The following LPP variants were observed in gnomAD, a reference collection of about 807,000 sequenced individuals.
LPP encodes the protein lipoma-preferred partner.
In LPP, 38 loss-of-function variants were observed where a neutral mutation model predicts 60.4. That is an observed-to-expected ratio of 0.63 (90% CI 0.49 to 0.83). The LOEUF (loss-of-function observed/expected upper bound fraction) is 0.83. Among genes scored for constraint, LPP ranks in the 40% least tolerant of loss-of-function variants. The pLI, the probability that LPP is intolerant of heterozygous loss-of-function variation, is 0.00. For synonymous variants in LPP, 328 were observed against 290.8 expected (o/e 1.13, Z -1.30); for missense variants, 902 against 783.6 (o/e 1.15, Z -1.80).
chr3:188,316,814 T>C (rs1361791396), intron 2 of LPP, among the ~76,000 whole-genome samples: 1 of 152,230 alleles, frequency 6.6e-6, no homozygotes, highest in African/African-American at 2.4e-5. Flanking sequence ...ATTAGAACTA[T>C]AATGTGGGAC....
intron 5 of LPP, among the ~76,000 whole-genome samples, chr3:188,513,992 T>C (rs940984568): frequency 3.3e-5 from 5 of 152,224 alleles, no homozygotes; most frequent in African/African-American, 1.2e-4. Flanking sequence ...TACCCTCATT[T>C]TTGTAGAGGT....
intron 1 of LPP, among the ~76,000 whole-genome samples, chr3:188,159,897 ATTTT>A (rs1417457256): frequency 1.4e-5 from 2 of 140,104 alleles, no homozygotes; most frequent in Non-Finnish European, 3.3e-5. Context: ...GAGACAGAGT[ATTTT>A]TTTGTTTGTT....
At chr3:188,154,390 C>T (rs1440593970) in intron 1 of LPP, among the ~76,000 whole-genome samples, 138 bp downstream of exon 1, 1 of 152,072 alleles carries the variant, frequency 6.6e-6, no homozygotes, top group Non-Finnish European at 1.5e-5. Flanking sequence ...GCCCGCTGTG[C>T]GGAAGTGCCG....
intron 6 of LPP, among the ~76,000 whole-genome samples, chr3:188,552,375 G>A (rs1579892580): frequency 6.6e-6 from 1 of 152,184 alleles, no homozygotes; most frequent in Non-Finnish European, 1.5e-5. Flanking sequence ...ATGCCATAAG[G>A]ACCATTAACT....
At chr3:188,599,615 G>C (rs1464529508) in intron 6 of LPP, among the ~76,000 whole-genome samples, 1 of 152,058 alleles carries the variant, frequency 6.6e-6, no homozygotes, top group African/African-American at 2.4e-5. Context: ...AACTATTTCT[G>C]GCTCTGAAGC....
chr3:188,523,539 G>C (rs926889624), intron 5 of LPP, among the ~76,000 whole-genome samples: 1 of 152,154 alleles, frequency 6.6e-6, no homozygotes, highest in Non-Finnish European at 1.5e-5. Flanking sequence ...TCACTAAAAC[G>C]ACAGATTGAC....
At chr3:188,471,607 A>C (rs995664045) in intron 4 of LPP, among the ~76,000 whole-genome samples, 3 of 152,208 alleles carry the variant, frequency 2.0e-5, no homozygotes, top group Non-Finnish European at 2.9e-5. Flanking sequence ...GGAGGTTAGC[A>C]GGTCTGTGGG....
At chr3:188,198,944 G>A (rs972187666) in intron 1 of LPP, among the ~76,000 whole-genome samples, 13 of 152,172 alleles carry the variant, frequency 8.5e-5, no homozygotes, top group Admixed American at 5.9e-4. Context: ...TACAACAATC[G>A]TTTAGTATGC....
At chr3:188,425,121 C>T (rs1427950624) in intron 4 of LPP, among the ~76,000 whole-genome samples, 1 of 152,154 alleles carries the variant, frequency 6.6e-6, no homozygotes, top group Non-Finnish European at 1.5e-5. Flanking sequence ...TATGTTCCAT[C>T]AATACCTAGT....
intron 2 of LPP, among the ~76,000 whole-genome samples, chr3:188,290,569 A>G (rs1745609923): frequency 6.6e-6 from 1 of 151,954 alleles, no homozygotes; most frequent in South Asian, 2.1e-4. Flanking sequence ...TACACAGTGA[A>G]TAGTTTAGGA....
intron 9 of LPP, among the ~76,000 whole-genome samples, chr3:188,777,578 T>C (rs933199726): frequency 6.6e-6 from 1 of 152,178 alleles, no homozygotes; most frequent in South Asian, 2.1e-4. Flanking sequence ...ATTGAGGAGC[T>C]AATTTTGCTG....
At chr3:188,342,809 A>G (rs1030062188) in intron 3 of LPP, among the ~76,000 whole-genome samples, 3 of 152,160 alleles carry the variant, frequency 2.0e-5, no homozygotes, top group African/African-American at 7.2e-5. Flanking sequence ...TCATATATAT[A>G]TAATAAGAAC....
rs1798850613 is a variant in LPP at position 188,461,036 on chromosome 3, C to T, written c.194-23556C>T. Among the ~76,000 whole-genome samples, 3 of 152,154 alleles carry T rather than the reference C, an allele frequency of 2.0e-5. No individual in the cohort carries two copies. The South Asian group carries it at 6.2e-4, about 32-fold the overall frequency. ...GATAATCAGGGATACCAGAGGAAGA[C>T]TTAGAGGACTCCAGAGGATAGAAAT... On this transcript the variant is annotated intron_variant, in intron 4 of 11. Transcript: ENST00000617246.
chr3:188,589,386 A>G (rs1838176254), intron 6 of LPP, among the ~76,000 whole-genome samples: 1 of 152,160 alleles, frequency 6.6e-6, no homozygotes, highest in Non-Finnish European at 1.5e-5. Context: ...GAAAAATGAA[A>G]GCAGATCTGT....
At chr3:188,555,142 C>T (rs543125772) in intron 6 of LPP, among the ~76,000 whole-genome samples, 14 of 152,098 alleles carry the variant, frequency 9.2e-5, no homozygotes, top group Admixed American at 5.9e-4. Context: ...GAAGCACAAG[C>T]GTGAAAAGTC....
At chr3:188,860,440 G>A (rs1049394481) in intron 9 of LPP, among the ~76,000 whole-genome samples, 4 of 152,008 alleles carry the variant, frequency 2.6e-5, no homozygotes, top group African/African-American at 4.8e-5. Context: ...GGAAAATGAT[G>A]GCATTCATTC....
chr3:188,673,140 C>T (rs1347412529), intron 7 of LPP, among the ~76,000 whole-genome samples: 7 of 151,986 alleles, frequency 4.6e-5, no homozygotes, highest in African/African-American at 1.4e-4. Flanking sequence ...AATTAAACAA[C>T]CTGTGGAAGT....
chr3:188,628,700 C>G, intron 7 of LPP, among the ~76,000 whole-genome samples: 1 of 152,076 alleles, frequency 6.6e-6, no homozygotes, highest in East Asian at 1.9e-4. Context: ...ACCAATCGTA[C>G]TAAATAGCTT....
At chr3:188,815,606 G>C (rs1752253520) in intron 9 of LPP, among the ~76,000 whole-genome samples, 1 of 152,036 alleles carries the variant, frequency 6.6e-6, no homozygotes, top group African/African-American at 2.4e-5. Context: ...CTCCACAATG[G>C]ATTTGTTGGG....
Sources: gnomAD v4.1 joint callset for allele counts (sites outside exome capture counted in the v4.1 genomes callset) on GRCh38, gnomAD v4.1.1 for gene constraint, MANE v1.5 for transcripts, NCBI Gene and HGNC (gene_info 2026-07-23, HGNC 2026-07-21) for gene names.